The following CAMTA1 variants were observed in gnomAD, a reference collection of about 807,000 sequenced individuals.
CAMTA1 encodes the protein calmodulin-binding transcription activator 1.
Under a neutral mutation model 170.9 loss-of-function variants are expected in CAMTA1, and 27 were observed. That is an observed-to-expected ratio of 0.16 (90% CI 0.12 to 0.22). The LOEUF (loss-of-function observed/expected upper bound fraction) is 0.22. Ranked by LOEUF, CAMTA1 falls within the 10% of genes least tolerant of loss-of-function variation. CAMTA1 has a pLI of 1.00. For missense variants in CAMTA1, 1,619 were observed against 2,217.2 expected (o/e 0.73, Z 5.42); for synonymous variants, 833 against 891.5 (o/e 0.93, Z 1.17).
chr1:7,404,704 A>T (rs776968885), intron 5 of CAMTA1, among the ~76,000 whole-genome samples: 4 of 152,170 alleles, frequency 2.6e-5, no homozygotes, highest in Non-Finnish European at 4.4e-5. Flanking sequence ...GCTCTGAGAC[A>T]TGGAGCCACC....
intron 4 of CAMTA1, among the ~76,000 whole-genome samples, chr1:7,192,504 C>G (rs1654725674): frequency 6.6e-6 from 1 of 152,182 alleles, no homozygotes; most frequent in African/African-American, 2.4e-5. Flanking sequence ...CCTGGGATCT[C>G]AAATCTGGGA....
At chr1:7,517,534 C>A (rs2094303413) in intron 6 of CAMTA1, among the ~76,000 whole-genome samples, 1 of 149,306 alleles carries the variant, frequency 6.7e-6, no homozygotes, top group Non-Finnish European at 1.5e-5. Flanking sequence ...ACTCTCCTTT[C>A]ACAAAGTGCT....
chr1:7,558,132 G>GCTCCGGCAGCCTCTTAT (rs1553201843), intron 6 of CAMTA1, among the ~76,000 whole-genome samples: 1 of 152,088 alleles, frequency 6.6e-6, no homozygotes, highest in East Asian at 1.9e-4. Flanking sequence ...CAGGCCCCTC[G>GCTCCGGCAGCCTCTTAT]CTCCGGCAGC....
intron 6 of CAMTA1, among the ~76,000 whole-genome samples, chr1:7,509,704 G>A (rs918866722): frequency 1.4e-4 from 22 of 152,228 alleles, no homozygotes; most frequent in Middle Eastern, 3.4e-3. Context: ...GGGACCCTAC[G>A]GTGCACAGCT....
intron 7 of CAMTA1, among the ~76,000 whole-genome samples, chr1:7,655,531 C>CT (rs139287134): frequency 2.0e-5 from 3 of 149,234 alleles, no homozygotes; most frequent in Non-Finnish European, 4.5e-5. Context: ...CACCCACACA[C>CT]ATACACACTG....
At chr1:7,252,795 A>G (rs1267329715) in intron 5 of CAMTA1, among the ~76,000 whole-genome samples, 1 of 152,134 alleles carries the variant, frequency 6.6e-6, no homozygotes, top group Non-Finnish European at 1.5e-5. Flanking sequence ...CATGATAAAG[A>G]TATTTGGATC....
intron 4 of CAMTA1, among the ~76,000 whole-genome samples, chr1:7,180,325 T>C (rs1362031384): frequency 6.6e-6 from 1 of 151,376 alleles, no homozygotes; most frequent in African/African-American, 2.4e-5. Flanking sequence ...ACCATTGCAC[T>C]CCGGCCTGGG....
intron 11 of CAMTA1, among the ~76,000 whole-genome samples, chr1:7,695,753 T>C (rs2096369072): frequency 1.3e-5 from 2 of 152,182 alleles, no homozygotes; most frequent in African/African-American, 4.8e-5. Flanking sequence ...TGCGAGTGTG[T>C]GTCATGTGTG....
intron 5 of CAMTA1, among the ~76,000 whole-genome samples, chr1:7,402,950 T>A (rs1278815611): frequency 6.6e-6 from 1 of 152,226 alleles, no homozygotes; most frequent in East Asian, 1.9e-4. Context: ...AAATGGTACC[T>A]GGTACAGAGT....
chr1:6,866,376 A>G (rs564855815), intron 3 of CAMTA1, among the ~76,000 whole-genome samples: 13 of 152,338 alleles, frequency 8.5e-5, no homozygotes, highest in Non-Finnish European at 1.6e-4. Flanking sequence ...GATGATCCAG[A>G]CTGCCCTACA....
chr1:7,518,189 G>A (rs1230054316), intron 6 of CAMTA1, among the ~76,000 whole-genome samples: 2 of 151,992 alleles, frequency 1.3e-5, no homozygotes, highest in East Asian at 1.9e-4. Flanking sequence ...AGGCTGCTTG[G>A]AGACTGTGTC....
chr1:7,756,867 A>G (rs866297636), intron 22 of CAMTA1, among the ~76,000 whole-genome samples: 5 of 152,262 alleles, frequency 3.3e-5, no homozygotes, highest in South Asian at 4.1e-4. Context: ...AAAACAAAAC[A>G]AAACAAAAAA....
At chr1:7,236,530 G>A (rs1304827574) in intron 4 of CAMTA1, among the ~76,000 whole-genome samples, 2 of 152,164 alleles carry the variant, frequency 1.3e-5, no homozygotes, top group Admixed American at 6.5e-5. Flanking sequence ...GGTGCAGTGG[G>A]GCAATTCCCT....
rs1367204776 is a variant in CAMTA1 at position 7,565,962 on chromosome 1, T to C, written c.511-74438T>C. ...AGAGAGAGAGAGAATCTTACTCTTC[T>C]TAGAAGTCTTCCAATCCTATTGGAT... On this transcript the variant is annotated intron_variant, in intron 6 of 22. Coordinates refer to ENST00000303635, the MANE Select transcript of CAMTA1 (RefSeq NM_015215.4). The surrounding 1 kb of genome is among the most constrained non-coding windows in gnomAD (Gnocchi z 4.5). Among the ~76,000 whole-genome samples the C allele has an allele frequency of 6.6e-6, 1 of 152,100 alleles. No individual in the cohort carries two copies. The highest frequency in any genetic ancestry group is 1.5e-5 in the Non-Finnish European group (1 of 68,020).
intron 4 of CAMTA1, among the ~76,000 whole-genome samples, chr1:7,237,344 G>A (rs1054348821): frequency 6.6e-6 from 1 of 152,156 alleles, no homozygotes; most frequent in Non-Finnish European, 1.5e-5. Context: ...GGGCTGACAG[G>A]AGAAAGATCC....
At chr1:7,737,033 C>T (rs752921438) in intron 14 of CAMTA1, 24 bp downstream of exon 14, 8 of 1,564,918 alleles carry the variant, frequency 5.1e-6, no homozygotes, top group Non-Finnish European at 7.0e-6. Context: ...TCCTGTAGCC[C>T]CCCCTTGCTG....
At chr1:7,054,384 A>G (rs895930637) in intron 3 of CAMTA1, among the ~76,000 whole-genome samples, 3 of 152,266 alleles carry the variant, frequency 2.0e-5, no homozygotes, top group Admixed American at 1.3e-4. Flanking sequence ...GGGTGAATTC[A>G]GGCTTCATTC....
intron 3 of CAMTA1, among the ~76,000 whole-genome samples, chr1:6,858,091 G>A (rs1401520031): frequency 1.3e-5 from 2 of 152,192 alleles, no homozygotes; most frequent in African/African-American, 4.8e-5. Context: ...TGAGGAGTGG[G>A]ATACTGAAGA....
chr1:7,423,206 C>T (rs1353929513), intron 5 of CAMTA1, among the ~76,000 whole-genome samples: 1 of 152,274 alleles, frequency 6.6e-6, no homozygotes, highest in African/African-American at 2.4e-5. Context: ...CGTGGTGGCT[C>T]AGGCCTGTAA....
Sources: allele counts gnomAD v4.1 joint callset (sites outside exome capture counted in the v4.1 genomes callset), GRCh38; gene constraint gnomAD v4.1.1; non-coding constraint Gnocchi (gnomAD v3.1); transcripts MANE v1.5; gene names NCBI Gene and HGNC (gene_info 2026-07-23, HGNC 2026-07-21).